Variants in EPB41L3 observed in about 807,000 individuals in gnomAD.
EPB41L3 encodes band 4.1-like protein 3.
EPB41L3 carries 57 observed loss-of-function variants against 127.1 expected under a neutral mutation model. That is an observed-to-expected ratio of 0.45 (90% CI 0.36 to 0.56). The LOEUF (loss-of-function observed/expected upper bound fraction) is 0.56, where lower values mean the gene tolerates loss of function less well. EPB41L3 is among the 20% of genes least tolerant of loss of function. The probability of loss-of-function intolerance (pLI) is 0.00; values close to 1 mark genes in which losing one functional copy is unlikely to be tolerated. For missense variants in EPB41L3, 1,273 were observed against 1,372.2 expected (o/e 0.93, Z 1.14); for synonymous variants, 572 against 549.5 (o/e 1.04, Z -0.57).
chr18:5,575,450 T>C (rs2094327669), intron 3 of EPB41L3, among the ~76,000 whole-genome samples: 1 of 152,122 alleles, frequency 6.6e-6, no homozygotes, highest in Admixed American at 6.6e-5. Context: ...TTCCTTTCTT[T>C]TTCTCTTGCT....
chr18:5,612,874 G>A (rs2094744744), intron 2 of EPB41L3, among the ~76,000 whole-genome samples: 1 of 152,132 alleles, frequency 6.6e-6, no homozygotes, highest in Admixed American at 6.5e-5. Context: ...CTGAGTAGCT[G>A]GGACTACAGG....
In EPB41L3 at chr18:5,543,774, C is replaced by T. The variant is rs568051718; in HGVS notation, c.-12+139G>A. On this transcript the variant is annotated intron_variant, in intron 1 of 22. Coordinates refer to ENST00000341928, the MANE Select transcript of EPB41L3 (RefSeq NM_012307.5). The surrounding 1 kb of genome is among the most constrained non-coding windows in gnomAD (Gnocchi z 5.2). Reference sequence around the variant, plus strand: ...CGCGCCGGGCGCGGGGCTCGGGATTCGGGAGACCGCGCGGCGCCGAAGCCA... The same window carrying T: ...CGCGCCGGGCGCGGGGCTCGGGATTTGGGAGACCGCGCGGCGCCGAAGCCA... The T allele has an allele frequency of 1.3e-5, 9 of 687,488 alleles. No individual in the cohort carries two copies. The highest frequency in any genetic ancestry group is 1.6e-5 in the Non-Finnish European group (9 of 558,824). The allele number at this position is 687,488 out of a possible 1,614,324, so 42.6% of individuals were successfully genotyped here.
At chr18:5,538,420 T>C (rs1344952575) in intron 1 of EPB41L3, among the ~76,000 whole-genome samples, 4 of 152,254 alleles carry the variant, frequency 2.6e-5, no homozygotes, top group Non-Finnish European at 4.4e-5. Context: ...CTCTGCAACA[T>C]GGCTGAGAGC....
At chr18:5,494,731 T>A (rs2090978385) in intron 1 of EPB41L3, among the ~76,000 whole-genome samples, 1 of 138,492 alleles carries the variant, frequency 7.2e-6, no homozygotes, top group Non-Finnish European at 1.5e-5. Flanking sequence ...AGGATTCCAA[T>A]CAAGCAAAAG....
At chr18:5,562,565 C>T (rs972774781) in intron 3 of EPB41L3, among the ~76,000 whole-genome samples, 8 of 152,104 alleles carry the variant, frequency 5.3e-5, no homozygotes, top group East Asian at 3.8e-4. Flanking sequence ...GTACCAACCT[C>T]GTAAAGCTAG....
chr18:5,505,510 C>A (rs2092079924), intron 1 of EPB41L3, among the ~76,000 whole-genome samples: 1 of 151,576 alleles, frequency 6.6e-6, no homozygotes, highest in South Asian at 2.1e-4. Context: ...CATCTCCACC[C>A]CTACCCTCCA....
At position 5,497,749 on chromosome 18, in the gene EPB41L3, A is replaced by T. The variant is rs545863106; in HGVS notation, c.-11-8555T>A. ...TAATGCCTGCCTTCATTTATAATGG[A>T]TATATTCCTGTGGTTTAAGTGACAG... On this transcript the variant is annotated intron_variant, in intron 1 of 22. Coordinates refer to ENST00000341928, the MANE Select transcript of EPB41L3 (RefSeq NM_012307.5). Among the ~76,000 whole-genome samples, 12 of 152,322 alleles carry T rather than the reference A, an allele frequency of 7.9e-5. No homozygotes were observed. The South Asian group carries it at 2.5e-3, about 32-fold the overall frequency.
At chr18:5,461,368 CT>C (rs1198086765) in intron 3 of EPB41L3, among the ~76,000 whole-genome samples, 1 of 152,170 alleles carries the variant, frequency 6.6e-6, no homozygotes, top group African/African-American at 2.4e-5. Context: ...TCACTTATGT[CT>C]ATAAGCAGCA....
intron 1 of EPB41L3, among the ~76,000 whole-genome samples, chr18:5,491,749 C>T (rs1213949898): frequency 2.6e-5 from 4 of 152,048 alleles, no homozygotes; most frequent in African/African-American, 9.7e-5. Flanking sequence ...CCATTTTGGC[C>T]ACTTTTAATA....
At chr18:5,398,681 G>A (rs150363669) in intron 16 of EPB41L3, 19 of 399,742 alleles carry the variant, frequency 4.8e-5, no homozygotes, top group East Asian at 3.6e-4. Context: ...ACTCAGTAAC[G>A]TAATGGGCAG....
Position 5,478,328 on chromosome 18 carries a change from C to T in EPB41L3, c.294G>A (p.Arg98=), listed in dbSNP as rs200511617. Residue 98 remains arginine (R), a synonymous_variant, in exon 3 of 23, where the codon CGG becomes CGA. Transcript: ENST00000341928. ...SQKSSSSKLS[R]SPLKIVKKPK... ...GCTTTTTGACAATCTTTAATGGAGA[C>T]CGAGAGAGTTTACTGCTAGATGATT... The T allele has an allele frequency of 1.4e-5, 22 of 1,614,042 alleles. No homozygotes were observed. In the East Asian group the frequency reaches 4.7e-4, roughly 34 times the overall value.
intron 1 of EPB41L3, among the ~76,000 whole-genome samples, chr18:5,492,662 T>C (rs2090734850): frequency 6.6e-6 from 1 of 152,180 alleles, no homozygotes; most frequent in Non-Finnish European, 1.5e-5. Flanking sequence ...AAACAGAAAG[T>C]GAGACAAAAT....
In EPB41L3 at chr18:5,496,618, T is replaced by G. The variant is rs574775301; in HGVS notation, c.-11-7424A>C. Among the ~76,000 whole-genome samples, 4 of 152,356 alleles carry G rather than the reference T, an allele frequency of 2.6e-5. No homozygotes were observed. In the East Asian group the frequency reaches 5.8e-4, roughly 22 times the overall value. On this transcript the variant is annotated intron_variant, in intron 1 of 22. Transcript: ENST00000341928. ...AAGCAAGGAAGTTCCCAGACTAGGA[T>G]TCCTGAACTTCAGAGGTTCAGCAAA...
chr18:5,618,829 T>G (rs1044693100), intron 1 of EPB41L3, among the ~76,000 whole-genome samples: 1 of 152,222 alleles, frequency 6.6e-6, no homozygotes, highest in Non-Finnish European at 1.5e-5. Context: ...CTTGGTATTT[T>G]CAGCCCTAGT....
intron 3 of EPB41L3, chr18:5,570,728 A>C (rs929743390): frequency 1.3e-5 from 2 of 152,118 alleles, no homozygotes; most frequent in Non-Finnish European, 2.9e-5. Context: ...TATTAGGTAT[A>C]TCTCCTAATG....
rs927833811 is a variant in EPB41L3 at position 5,543,641 on chromosome 18, G to A, written c.-12+272C>T. Among the ~76,000 whole-genome samples, 3 of 147,040 alleles carry A rather than the reference G, an allele frequency of 2.0e-5. No individual in the cohort carries two copies. The highest frequency in any genetic ancestry group is 4.9e-5 in the African/African-American group (2 of 40,934). ...GGCCGGGGCTCAGGCTCTGCGCGCC[G>A]GCCCAGCCACTACTGCGCCGCGGCG... On this transcript the variant is annotated intron_variant, in intron 1 of 22. Transcript: ENST00000341928. This position sits in a 1 kb window ranked among gnomAD's most constrained non-coding sequence, Gnocchi z 5.2.
intron 3 of EPB41L3, among the ~76,000 whole-genome samples, chr18:5,464,005 C>T (rs1406770705): frequency 6.6e-6 from 1 of 152,038 alleles, no homozygotes; most frequent in Non-Finnish European, 1.5e-5. Flanking sequence ...CTTTCCACTC[C>T]AGCTCATTTC....
chr18:5,455,301 A>G (rs549309734), intron 3 of EPB41L3, among the ~76,000 whole-genome samples: 1 of 152,238 alleles, frequency 6.6e-6, no homozygotes, highest in South Asian at 2.1e-4. Flanking sequence ...TACGAAAAAA[A>G]AAAATCCCTT....
chr18:5,452,215 A>C (rs889271344), intron 3 of EPB41L3, among the ~76,000 whole-genome samples: 1 of 152,148 alleles, frequency 6.6e-6, no homozygotes, highest in Non-Finnish European at 1.5e-5. Flanking sequence ...AGTCACTTTA[A>C]ATTAAAATAT....
Sources: gnomAD v4.1 joint callset for allele counts (sites outside exome capture counted in the v4.1 genomes callset) on GRCh38, gnomAD v4.1.1 for gene constraint, Gnocchi (gnomAD v3.1) non-coding constraint, MANE v1.5 for transcripts, NCBI Gene and HGNC (gene_info 2026-07-23, HGNC 2026-07-21) for gene names.